Variants in PIGB observed in about 807,000 individuals in gnomAD.
PIGB encodes the protein phosphatidylinositol glycan anchor biosynthesis class B, also known as GPI alpha-1,2-mannosyltransferase 3.
PIGB carries 58 observed loss-of-function variants against 68.4 expected under a neutral mutation model. That is an observed-to-expected ratio of 0.85 (90% CI 0.69 to 1.06). PIGB has a LOEUF of 1.06. Among genes scored for constraint, PIGB ranks in the 50% least tolerant of loss-of-function variants. The pLI, the probability that PIGB is intolerant of heterozygous loss-of-function variation, is 0.00. For synonymous variants in PIGB, 219 were observed against 220.5 expected (o/e 0.99, Z 0.06); for missense variants, 634 against 655.8 (o/e 0.97, Z 0.36).
intron 7 of PIGB, 152 bp from the exon 8 acceptor site, chr15:55,340,455 TAAAAA>T (rs377443578): frequency 3.3e-3 from 1,052 of 315,570 alleles, no homozygotes; most frequent in East Asian, 4.6e-3. Flanking sequence ...GACTCCATCT[TAAAAA>T]AAAAAAAAAA....
chr15:55,327,919 G>A (rs1291219865), intron 4 of PIGB, among the ~76,000 whole-genome samples: 1 of 152,158 alleles, frequency 6.6e-6, no homozygotes, highest in African/African-American at 2.4e-5. Context: ...AACTGTCCTT[G>A]CCTCTCTTTC....
chr15:55,349,564 C>T (rs2055878964), intron 9 of PIGB: 1 of 152,126 alleles, frequency 6.6e-6, no homozygotes, highest in Non-Finnish European at 1.5e-5. Context: ...CTACATTTTT[C>T]ACCACACCAC....
chr15:55,342,250 G>C (rs1017889351), intron 9 of PIGB, among the ~76,000 whole-genome samples: 1 of 152,168 alleles, frequency 6.6e-6, no homozygotes, highest in African/African-American at 2.4e-5. Flanking sequence ...TTTTAGATTA[G>C]CTATTTTAAG....
chr15:55,346,157 A>C (rs1313013723), intron 9 of PIGB, among the ~76,000 whole-genome samples: 3 of 152,240 alleles, frequency 2.0e-5, no homozygotes, highest in Non-Finnish European at 4.4e-5. Context: ...TAGATATCCA[A>C]AATTTTTAAA....
rs557207774 is a variant in PIGB at position 55,340,412 on chromosome 15, C to T, written c.847-200C>T. ...CGGAGCTTGCAGTGAGCCGAGATCG[C>T]GCCACTGCACTCCAGCCTGGGCGAC... On this transcript the variant is annotated intron_variant, in intron 7 of 11. Coordinates refer to ENST00000164305, the MANE Select transcript of PIGB (RefSeq NM_004855.5). 2.6e-3 allele frequency: 776 copies of T among 295,228 alleles called. 5 individuals are homozygous for T. Among genetic ancestry groups the T allele is most frequent in the Middle Eastern group, 4.7e-3 (4 of 860 alleles). 18.3% of individuals were successfully genotyped at this position (295,228 alleles called of 1,614,324 possible).
At chr15:55,352,750 C>G (rs1441646287) in intron 10 of PIGB, among the ~76,000 whole-genome samples, 4 of 152,134 alleles carry the variant, frequency 2.6e-5, no homozygotes, top group Admixed American at 6.5e-5. Flanking sequence ...GAGCGAGACT[C>G]AACCTAAAAA....
At chr15:55,340,902 TTA>T in intron 8 of PIGB, 79 bp downstream of exon 8, 1 of 995,622 alleles carries the variant, frequency 1.0e-6, no homozygotes, top group Non-Finnish European at 1.5e-6. Flanking sequence ...AAAGTAAACT[TTA>T]TGTTTTGGAG....
chr15:55,340,067 G>A (rs1241025056), intron 7 of PIGB: 1 of 152,070 alleles, frequency 6.6e-6, no homozygotes, highest in Non-Finnish European at 1.5e-5. Flanking sequence ...TTCTCACTTT[G>A]AATCTCAAAA....
Sources: gnomAD v4.1 joint callset for allele counts (sites outside exome capture counted in the v4.1 genomes callset) on GRCh38, gnomAD v4.1.1 for gene constraint, MANE v1.5 for transcripts, NCBI Gene and HGNC (gene_info 2026-07-23, HGNC 2026-07-21) for gene names.